Variants in RSU1 observed in about 807,000 individuals in gnomAD.
RSU1 encodes the protein Ras suppressor protein 1, also known as rsu-1.
Under a neutral mutation model 31.1 loss-of-function variants are expected in RSU1, and 26 were observed. That is an observed-to-expected ratio of 0.84 (90% CI 0.61 to 1.16). The LOEUF is 1.16. Ranked by LOEUF, RSU1 falls within the 50% of genes most tolerant of loss-of-function variation. RSU1 has a pLI of 0.00. For missense variants in RSU1, 320 were observed against 339.1 expected (o/e 0.94, Z 0.44); for synonymous variants, 164 against 136.3 (o/e 1.20, Z -1.41).
intron 7 of RSU1, among the ~76,000 whole-genome samples, chr10:16,724,412 T>G (rs140069950): frequency 6.6e-6 from 1 of 152,192 alleles, no homozygotes; most frequent in South Asian, 2.1e-4. Flanking sequence ...ACAGGGAAAC[T>G]GGACCAAAAT....
chr10:16,638,709 A>G (rs947207461), intron 8 of RSU1, among the ~76,000 whole-genome samples: 5 of 152,182 alleles, frequency 3.3e-5, no homozygotes, highest in African/African-American at 1.2e-4. Flanking sequence ...ACACAGCTCA[A>G]TCTCGTCCAT....
chr10:16,644,012 G>T (rs539612904), intron 8 of RSU1, among the ~76,000 whole-genome samples: 9 of 151,874 alleles, frequency 5.9e-5, no homozygotes, highest in Non-Finnish European at 1.3e-4. Flanking sequence ...AAGTATAGGG[G>T]AGGATGTGCA....
In RSU1 at chr10:16,674,971, T is replaced by A. The variant is rs187480961; in HGVS notation, c.731+20052A>T. On this transcript the variant is annotated intron_variant, in intron 8 of 8. Transcript: ENST00000345264. The stretch of plus-strand genomic sequence containing the variant: ...TCTTTTGAACCTGGGAGGCGGAGGT[T>A]GCAGTGAGCCAAGACTGTGCCACTA... 1.9e-3 allele frequency among the ~76,000 whole-genome samples: 293 copies of A among 152,186 alleles called. 1 individual carries two copies. The highest frequency in any genetic ancestry group is 2.6e-3 in the Non-Finnish European group (177 of 68,002).
chr10:16,702,397 A>G (rs1489388778), intron 7 of RSU1, among the ~76,000 whole-genome samples: 3 of 152,244 alleles, frequency 2.0e-5, no homozygotes, highest in Admixed American at 6.5e-5. Context: ...GCACCGGGAA[A>G]AGCTGCAGGC....
chr10:16,748,286 C>T (rs1836899871), intron 7 of RSU1: 2 of 152,064 alleles, frequency 1.3e-5, no homozygotes, highest in South Asian at 4.1e-4. Context: ...CGGCTGCATG[C>T]CTTTCCAGTT....
chr10:16,714,792 C>G (rs1018507970), intron 7 of RSU1, among the ~76,000 whole-genome samples: 11 of 152,052 alleles, frequency 7.2e-5, no homozygotes, highest in African/African-American at 2.7e-4. Context: ...TGCACTCTAG[C>G]AGTGGGAAAG....
intron 8 of RSU1, among the ~76,000 whole-genome samples, chr10:16,609,331 C>T (rs1338529909): frequency 6.6e-6 from 1 of 152,182 alleles, no homozygotes; most frequent in Non-Finnish European, 1.5e-5. Context: ...GCTTCATGCC[C>T]CCAACAGGCC....
At chr10:16,716,506 G>A (rs1426615225) in intron 7 of RSU1, among the ~76,000 whole-genome samples, 1 of 152,000 alleles carries the variant, frequency 6.6e-6, no homozygotes, top group East Asian at 1.9e-4. Context: ...GGGAATGAGA[G>A]GCAAAGGGGA....
intron 2 of RSU1, among the ~76,000 whole-genome samples, chr10:16,785,691 T>C (rs1837777504): frequency 6.8e-6 from 1 of 147,890 alleles, no homozygotes; most frequent in Non-Finnish European, 1.5e-5. Context: ...ATCCAAACCA[T>C]ATCAGCATCT....
In RSU1 at chr10:16,592,328, G is replaced by C. The variant is rs1277974550; in HGVS notation, c.*1066C>G. ...CTGGGGTTGACAGCCCTTTCAGTGA[G>C]CACAAAACCTCAGCTTGCATTTATT... On this transcript the variant is annotated 3_prime_UTR_variant, in exon 9 of 9. Transcript: ENST00000345264. The C allele has an allele frequency of 6.6e-6, 1 of 152,132 alleles. No homozygotes were observed. Among genetic ancestry groups the C allele is most frequent in the African/African-American group, 2.4e-5 (1 of 41,436 alleles). 9.4% of individuals were successfully genotyped at this position (152,132 alleles called of 1,614,324 possible).
At chr10:16,807,847 T>A (rs941252402) in intron 2 of RSU1, among the ~76,000 whole-genome samples, 1 of 151,452 alleles carries the variant, frequency 6.6e-6, no homozygotes, top group Non-Finnish European at 1.5e-5. Context: ...CACGGTGAAA[T>A]CCCGTCTCTA....
intron 7 of RSU1, among the ~76,000 whole-genome samples, chr10:16,736,540 A>G (rs930681035): frequency 6.6e-6 from 1 of 152,214 alleles, no homozygotes; most frequent in Non-Finnish European, 1.5e-5. Flanking sequence ...ACCTGCTAGA[A>G]TGAAACCCAA....
intron 7 of RSU1, among the ~76,000 whole-genome samples, chr10:16,700,961 A>G (rs566185757): frequency 6.6e-6 from 1 of 152,346 alleles, no homozygotes; most frequent in South Asian, 2.1e-4. Context: ...AGAAATCCAT[A>G]TATGTATATG....
chr10:16,753,308 C>G (rs1196761864), intron 5 of RSU1, among the ~76,000 whole-genome samples: 2 of 152,246 alleles, frequency 1.3e-5, no homozygotes, highest in African/African-American at 4.8e-5. Context: ...TCATAGATTA[C>G]TTTTGATTCA....
chr10:16,689,179 C>T (rs536100248), intron 8 of RSU1, among the ~76,000 whole-genome samples: 1 of 152,304 alleles, frequency 6.6e-6, no homozygotes, highest in South Asian at 2.1e-4. Flanking sequence ...TTACTAACCA[C>T]TAGAAAGATC....
At chr10:16,671,411 C>A (rs886875820) in intron 8 of RSU1, among the ~76,000 whole-genome samples, 1 of 152,118 alleles carries the variant, frequency 6.6e-6, no homozygotes, top group East Asian at 1.9e-4. Flanking sequence ...CTGATAGGGA[C>A]CTGCAATTAG....
At chr10:16,722,342 AAAGT>A (rs1836283050) in intron 7 of RSU1, among the ~76,000 whole-genome samples, 1 of 152,138 alleles carries the variant, frequency 6.6e-6, no homozygotes. Context: ...AAACAGATGA[AAAGT>A]AAGAACCTCT....
chr10:16,683,568 T>G (rs1191040682), intron 8 of RSU1, among the ~76,000 whole-genome samples: 1 of 152,180 alleles, frequency 6.6e-6, no homozygotes, highest in Non-Finnish European at 1.5e-5. Flanking sequence ...AAGTTTTAGT[T>G]ATTTTATATG....
intron 8 of RSU1, among the ~76,000 whole-genome samples, chr10:16,694,007 G>C (rs925486958): frequency 6.6e-6 from 1 of 152,142 alleles, no homozygotes; most frequent in African/African-American, 2.4e-5. Context: ...GGTCAGGCAA[G>C]TATTTGATAA....
Sources: allele counts gnomAD v4.1 joint callset (sites outside exome capture counted in the v4.1 genomes callset), GRCh38; gene constraint gnomAD v4.1.1; transcripts MANE v1.5; gene names NCBI Gene and HGNC (gene_info 2026-07-23, HGNC 2026-07-21).